The following SNTG2 variants were observed in gnomAD, a reference collection of about 807,000 sequenced individuals.
SNTG2 encodes gamma-2-syntrophin.
Under a neutral mutation model 70.9 loss-of-function variants are expected in SNTG2, and 74 were observed. That is an observed-to-expected ratio of 1.04 (90% confidence interval 0.86 to 1.27). The LOEUF (loss-of-function observed/expected upper bound fraction) is 1.27. Ranked by LOEUF, SNTG2 falls within the 50% of genes most tolerant of loss-of-function variation. SNTG2 has a pLI of 0.00. For missense variants in SNTG2, 717 were observed against 690.7 expected, an observed-to-expected ratio of 1.04 and a Z score of -0.43; for synonymous variants, 278 against 273.8, an observed-to-expected ratio of 1.02 and a Z score of -0.15.
chr2:1,068,683 C>T (rs1199275591), intron 1 of SNTG2, among the ~76,000 whole-genome samples: 1 of 152,146 alleles, frequency 6.6e-6, no homozygotes, highest in Non-Finnish European at 1.5e-5. Flanking sequence ...CTTAAAAATC[C>T]ATTACATTTC....
At chr2:1,164,528 A>C (rs1281139754) in intron 6 of SNTG2, among the ~76,000 whole-genome samples, 1 of 123,284 alleles carries the variant, frequency 8.1e-6, no homozygotes, top group African/African-American at 3.3e-5. Flanking sequence ...ACCTGCCCAA[A>C]CTGTGGGCAG....
chr2:1,084,756 G>T (rs2148175925), intron 2 of SNTG2, among the ~76,000 whole-genome samples: 1 of 152,300 alleles, frequency 6.6e-6, no homozygotes, highest in East Asian at 1.9e-4. Flanking sequence ...GTCTGGTGAG[G>T]GTCTGCTCTC....
At chr2:1,072,332 C>CTTTTCT (rs1185446798) in intron 1 of SNTG2, among the ~76,000 whole-genome samples, 2 of 100,382 alleles carry the variant, frequency 2.0e-5, no homozygotes, top group Non-Finnish European at 1.9e-5. Context: ...TTTTCTTTTT[C>CTTTTCT]TTTTCTTTTT....
intron 1 of SNTG2, among the ~76,000 whole-genome samples, chr2:1,000,465 A>AT: frequency 6.6e-6 from 1 of 152,060 alleles, no homozygotes; most frequent in Middle Eastern, 3.4e-3. Flanking sequence ...ACAGAAATAC[A>AT]AAAGATCCTC....
intron 13 of SNTG2, among the ~76,000 whole-genome samples, chr2:1,264,333 T>C (rs1271121880): frequency 2.0e-5 from 3 of 152,206 alleles, no homozygotes; most frequent in Non-Finnish European, 4.4e-5. Flanking sequence ...GTAAAATGTC[T>C]TAATCATCCC....
chr2:1,125,734 T>A (rs1667657923), intron 4 of SNTG2, among the ~76,000 whole-genome samples: 1 of 127,620 alleles, frequency 7.8e-6, no homozygotes, highest in African/African-American at 2.5e-5. Flanking sequence ...TTGAGAAACT[T>A]TTTCTCTCTT....
intron 1 of SNTG2, among the ~76,000 whole-genome samples, chr2:1,080,185 G>C (rs1344187167): frequency 1.3e-5 from 2 of 152,146 alleles, no homozygotes; most frequent in Non-Finnish European, 2.9e-5. Flanking sequence ...CAGATGCATC[G>C]GTCACTGGGG....
intron 4 of SNTG2, among the ~76,000 whole-genome samples, chr2:1,118,289 C>T (rs1187053625): frequency 2.6e-5 from 4 of 152,202 alleles, no homozygotes; most frequent in African/African-American, 9.6e-5. Context: ...CTGAGACTCC[C>T]CTCTACAGAG....
intron 9 of SNTG2, among the ~76,000 whole-genome samples, chr2:1,212,633 C>T (rs188409935): frequency 5.1e-4 from 78 of 152,204 alleles, no homozygotes; most frequent in African/African-American, 1.8e-3. Context: ...AATAATAAAA[C>T]GCATAAGGGC....
At chr2:1,022,921 A>G (rs1490914158) in intron 1 of SNTG2, among the ~76,000 whole-genome samples, 1 of 152,154 alleles carries the variant, frequency 6.6e-6, no homozygotes, top group Non-Finnish European at 1.5e-5. Flanking sequence ...GTTAAGATTT[A>G]CTTTAAGAAA....
intron 1 of SNTG2, among the ~76,000 whole-genome samples, chr2:996,580 A>G (rs192149675): frequency 1.1e-4 from 16 of 151,418 alleles, no homozygotes; most frequent in African/African-American, 3.6e-4. Flanking sequence ...ACATATGTGT[A>G]TCTACATCTA....
chr2:1,138,664 C>T (rs150154997), intron 6 of SNTG2, among the ~76,000 whole-genome samples: 23 of 152,242 alleles, frequency 1.5e-4, no homozygotes, highest in East Asian at 7.7e-4. Flanking sequence ...CCAGGACACA[C>T]GCCTGGGGCC....
intron 16 of SNTG2, among the ~76,000 whole-genome samples, chr2:1,328,268 A>G (rs1681840551): frequency 6.6e-6 from 1 of 152,194 alleles, no homozygotes; most frequent in African/African-American, 2.4e-5. Context: ...GTCAGGTACC[A>G]TGTAGGTAAT....
intron 4 of SNTG2, among the ~76,000 whole-genome samples, chr2:1,113,009 G>A (rs1432472606): frequency 6.6e-6 from 1 of 151,288 alleles, no homozygotes; most frequent in Non-Finnish European, 1.5e-5. Context: ...CCTTTGTGAA[G>A]GATCATGTGT....
chr2:1,187,527 A>G (rs1672321796), intron 8 of SNTG2, among the ~76,000 whole-genome samples: 1 of 152,180 alleles, frequency 6.6e-6, no homozygotes, highest in Non-Finnish European at 1.5e-5. Flanking sequence ...AAGCCTCCAC[A>G]ATCACATAAA....
intron 9 of SNTG2, among the ~76,000 whole-genome samples, chr2:1,225,046 G>A (rs1675679886): frequency 6.6e-6 from 1 of 152,258 alleles, no homozygotes; most frequent in Non-Finnish European, 1.5e-5. Flanking sequence ...GTTAAGAACT[G>A]AGGTTGTGAA....
chr2:1,250,057 A>G (rs1677662727), intron 12 of SNTG2, among the ~76,000 whole-genome samples: 1 of 152,176 alleles, frequency 6.6e-6, no homozygotes, highest in Admixed American at 6.5e-5. Flanking sequence ...AGCCAAAGTC[A>G]CATTTCTATG....
At chr2:1,297,260 G>A (rs1680256706) in intron 14 of SNTG2, among the ~76,000 whole-genome samples, 1 of 152,212 alleles carries the variant, frequency 6.6e-6, no homozygotes, top group Non-Finnish European at 1.5e-5. Flanking sequence ...CTCATCACCT[G>A]AAGGTGGAGG....
At chr2:1,141,589 C>G (rs1174062533) in intron 6 of SNTG2, among the ~76,000 whole-genome samples, 2 of 152,258 alleles carry the variant, frequency 1.3e-5, no homozygotes, top group Admixed American at 6.5e-5. Context: ...AAGAGGCAAT[C>G]GAAAGAAATG....
Sources: gnomAD v4.1 joint callset for allele counts (sites outside exome capture counted in the v4.1 genomes callset) on GRCh38, gnomAD v4.1.1 for gene constraint, MANE v1.5 for transcripts, NCBI Gene and HGNC (gene_info 2026-07-23, HGNC 2026-07-21) for gene names.